ZYG11A: variants seen among roughly 807,000 people sequenced by gnomAD.
The protein encoded by ZYG11A is protein zyg-11 homolog A.
A neutral mutation model predicts 77.2 loss-of-function variants in ZYG11A; 62 were observed. The observed-to-expected ratio is 0.80, with a 90% CI of 0.65 to 0.99. ZYG11A has a LOEUF of 0.99. ZYG11A is among the 50% of genes least tolerant of loss of function. The pLI is 0.00. For synonymous variants in ZYG11A, 315 were observed against 324.6 expected, an observed-to-expected ratio of 0.97 and a Z score of 0.32; for missense variants, 828 against 896.8, an observed-to-expected ratio of 0.92 and a Z score of 0.98.
At position 52,892,787 on chromosome 1, in the gene ZYG11A, A is replaced by G. The variant is rs1244957323; in HGVS notation, c.2110A>G (p.Lys704Glu). 6.4e-7 allele frequency: 1 copy of G among 1,551,546 alleles called. No individual in the cohort carries two copies. The highest frequency in any genetic ancestry group is 8.7e-7 in the Non-Finnish European group (1 of 1,146,970). Residue 704 changes from lysine (K) to glutamate (E), a missense_variant, in exon 14 of 14, where the codon AAA (lysine) becomes GAA (glutamate). Coordinates refer to ENST00000371528, the MANE Select transcript of ZYG11A (RefSeq NM_001004339.3). ...TCTGCTTGATTTTCTTTCAGCCAGCAAATACTGCAAAATGTTAGTTGAAGA... is the reference window on the plus strand; with the variant it reads ...TCTGCTTGATTTTCTTTCAGCCAGCGAATACTGCAAAATGTTAGTTGAAGA... ...MYHVCSKNPS[K>E]YCKMLVEEEG...
intron 8 of ZYG11A, among the ~76,000 whole-genome samples, chr1:52,871,519 CAG>C (rs1357720318): frequency 1.4e-5 from 2 of 147,374 alleles, no homozygotes; most frequent in East Asian, 2.0e-4. Context: ...TTTTTTGAGA[CAG>C]AGTCCCACTC....
intron 1 of ZYG11A, among the ~76,000 whole-genome samples, chr1:52,851,564 A>T (rs1308047560): frequency 6.6e-6 from 1 of 151,214 alleles, no homozygotes; most frequent in Non-Finnish European, 1.5e-5. Flanking sequence ...CACCTGGCTA[A>T]TTTTGGTATT....
At chr1:52,875,669 A>G (rs1646248074) in intron 8 of ZYG11A, among the ~76,000 whole-genome samples, 1 of 149,884 alleles carries the variant, frequency 6.7e-6, no homozygotes, top group Non-Finnish European at 1.5e-5. Context: ...TGGTGATTCA[A>G]GTTTGAAGAT....
chr1:52,864,299 G>T, intron 5 of ZYG11A, 142 bp downstream of exon 5: 1 of 816,390 alleles, frequency 1.2e-6, no homozygotes, highest in Non-Finnish European at 1.9e-6. Context: ...AGGCTGGAGT[G>T]CGGTGGCACG....
intron 8 of ZYG11A, among the ~76,000 whole-genome samples, chr1:52,872,436 A>G (rs947467063): frequency 2.6e-5 from 4 of 152,150 alleles, no homozygotes; most frequent in African/African-American, 9.7e-5. Context: ...GCTCATTGAT[A>G]ATACACCAGC....
At chr1:52,887,530 A>T (rs1005879697) in intron 13 of ZYG11A, among the ~76,000 whole-genome samples, 2 of 152,224 alleles carry the variant, frequency 1.3e-5, no homozygotes, top group South Asian at 4.2e-4. Context: ...GGAGGCCAGG[A>T]GTCAGGGGTT....
chr1:52,854,023 G>C (rs1229540854), intron 1 of ZYG11A, among the ~76,000 whole-genome samples: 1 of 152,132 alleles, frequency 6.6e-6, no homozygotes, highest in Non-Finnish European at 1.5e-5. Flanking sequence ...AAAAATACCT[G>C]CATCTGTATT....
Position 52,877,947 on chromosome 1 carries a change from A to G in ZYG11A, c.1727A>G (p.Gln576Arg), listed in dbSNP as rs1557452261. 1.9e-6 allele frequency: 3 copies of G among 1,551,598 alleles called. No homozygotes were observed. Among genetic ancestry groups the G allele is most frequent in the Non-Finnish European group, 2.6e-6 (3 of 1,146,994 alleles). The change falls in exon 10 of 14, where the codon CAA becomes CGA. Residue 576 changes from glutamine (Q) to arginine (R), a missense_variant. Coordinates refer to ENST00000371528, the MANE Select transcript of ZYG11A (RefSeq NM_001004339.3). ...CAGACCTTTTCAGAGTCAGCAATAC[A>G]AAGCAAAGTACTTGGTCTTTTGGTA... ...VLETFSESAI[Q>R]SKVLGLLNNI...
chr1:52,869,723 C>T (rs895249538), intron 8 of ZYG11A, among the ~76,000 whole-genome samples: 7 of 151,564 alleles, frequency 4.6e-5, no homozygotes, highest in Non-Finnish European at 7.4e-5. Flanking sequence ...ACAAAACCGC[C>T]ATTGTCATCA....
At chr1:52,869,499 G>A (rs1013861356) in intron 8 of ZYG11A, among the ~76,000 whole-genome samples, 4 of 151,530 alleles carry the variant, frequency 2.6e-5, no homozygotes, top group Admixed American at 6.6e-5. Flanking sequence ...ATCTTGCACC[G>A]CCCTTAATCC....
intron 13 of ZYG11A, among the ~76,000 whole-genome samples, chr1:52,888,870 C>G (rs1382352168): frequency 6.6e-6 from 1 of 152,142 alleles, no homozygotes; most frequent in East Asian, 1.9e-4. Flanking sequence ...GGAGCTTGCA[C>G]ATAGACTTCT....
chr1:52,879,863 A>G (rs1293258575), intron 10 of ZYG11A, among the ~76,000 whole-genome samples: 3 of 151,578 alleles, frequency 2.0e-5, no homozygotes, highest in Non-Finnish European at 4.4e-5. Context: ...CCCGGGTTCA[A>G]GTGATTCTCC....
intron 8 of ZYG11A, among the ~76,000 whole-genome samples, chr1:52,876,592 G>T (rs1291480321): frequency 6.6e-6 from 1 of 152,100 alleles, no homozygotes; most frequent in Non-Finnish European, 1.5e-5. Context: ...CAAGGGCCTG[G>T]CCACTGTGAT....
In ZYG11A at chr1:52,893,481, A is replaced by G. The variant is rs1448198700; in HGVS notation, c.*524A>G. The G allele has an allele frequency of 3.3e-5, 5 of 153,012 alleles. No homozygotes were observed. Among genetic ancestry groups the G allele is most frequent in the African/African-American group, 7.2e-5 (3 of 41,556 alleles). The allele number at this position is 153,012 out of a possible 1,614,324, so 9.5% of individuals were successfully genotyped here. ...AATTTATTTATTTATTTATTTATCTATGGCTGGGTATGGTGGCTCACGCCT... is the reference window on the plus strand; with the variant it reads ...AATTTATTTATTTATTTATTTATCTGTGGCTGGGTATGGTGGCTCACGCCT... On this transcript the variant is annotated 3_prime_UTR_variant, in exon 14 of 14. Coordinates refer to ENST00000371528, the MANE Select transcript of ZYG11A (RefSeq NM_001004339.3).
At position 52,894,788 on chromosome 1, in the gene ZYG11A, C is replaced by T. The variant is rs866008121; in HGVS notation, c.*1831C>T. 14 of 152,234 alleles carry T rather than the reference C, an allele frequency of 9.2e-5. No individual in the cohort carries two copies. The South Asian group carries it at 2.5e-3, about 27-fold the overall frequency. 9.4% of individuals were successfully genotyped at this position (152,234 alleles called of 1,614,324 possible). On this transcript the variant is annotated 3_prime_UTR_variant, in exon 14 of 14. Coordinates refer to ENST00000371528, the MANE Select transcript of ZYG11A (RefSeq NM_001004339.3). ...TGTACTGTATTTTTTCACACTCTTGCATGATTCCAAAAGGATATCTTCCTG... is the reference window on the plus strand; with the variant it reads ...TGTACTGTATTTTTTCACACTCTTGTATGATTCCAAAAGGATATCTTCCTG...
rs1304497195 is a variant in ZYG11A at position 52,842,947 on chromosome 1, G to C, written c.64G>C (p.Asp22His). The change falls in exon 1 of 14, where the codon GAT becomes CAT. Residue 22 changes from aspartate to histidine, a missense_variant. Physicochemically the swap from Asp to His is moderately conservative, Grantham distance 81 (BLOSUM62 -1). Coordinates refer to ENST00000371528, the MANE Select transcript of ZYG11A (RefSeq NM_001004339.3). ...RNIVPPDAQK[D>H]ALGCCVVQEE... ...CATCGTCCCTCCTGACGCTCAGAAG[G>C]ATGCCCTGGGCTGCTGCGTGGTACA... 1 of 1,529,978 alleles carries C rather than the reference G, an allele frequency of 6.5e-7. No homozygotes were observed. The highest frequency in any genetic ancestry group is 1.4e-5 in the African/African-American group (1 of 70,170). 94.8% of individuals were successfully genotyped at this position (1,529,978 alleles called of 1,614,324 possible). A position where few individuals can be genotyped will look rare whatever the true frequency, so the allele number is the denominator to read the frequency against.
intron 4 of ZYG11A, among the ~76,000 whole-genome samples, chr1:52,862,370 G>A (rs1645945810): frequency 6.8e-6 from 1 of 147,908 alleles, no homozygotes; most frequent in Admixed American, 6.8e-5. Flanking sequence ...GGAGTGCGGT[G>A]GCTTGATCTC....
chr1:52,885,820 G>A lies in ZYG11A; in HGVS notation c.1945-13G>A. 1 of 1,523,834 alleles carries A rather than the reference G, an allele frequency of 6.6e-7. No homozygotes were observed. The highest frequency in any genetic ancestry group is 8.8e-7 in the Non-Finnish European group (1 of 1,136,188). 94.4% of individuals were successfully genotyped at this position (1,523,834 alleles called of 1,614,324 possible). On this transcript the variant is annotated splice_polypyrimidine_tract_variant and intron_variant, in intron 11 of 13. Coordinates refer to ENST00000371528, the MANE Select transcript of ZYG11A (RefSeq NM_001004339.3). ...ATTCAAATGTTGGTTTCTCTCTCTT[G>A]TTTTTGGAGTAGCATGCAACCATAC...
chr1:52,862,494 A>G (rs1034948752), intron 4 of ZYG11A, among the ~76,000 whole-genome samples: 16 of 150,862 alleles, frequency 1.1e-4, no homozygotes, highest in African/African-American at 9.7e-5. Flanking sequence ...TGTATTTTTT[A>G]GTAGAGATGG....
Sources: allele counts gnomAD v4.1 joint callset (sites outside exome capture counted in the v4.1 genomes callset), GRCh38; gene constraint gnomAD v4.1.1; transcripts MANE v1.5; gene names NCBI Gene and HGNC (gene_info 2026-07-23, HGNC 2026-07-21).